Variants in KIN observed in about 807,000 individuals in gnomAD.
KIN encodes Kin17 DNA and RNA binding protein, also known as DNA/RNA-binding protein KIN17.
Under a neutral mutation model 63.0 loss-of-function variants are expected in KIN, and 47 were observed. The ratio of observed to expected loss-of-function variants is 0.75; its 90% confidence interval spans 0.59 to 0.95. KIN has a LOEUF of 0.95. KIN is among the 40% of genes least tolerant of loss of function. The pLI is 0.00. For synonymous variants in KIN, 160 were observed against 157.7 expected (o/e 1.01, Z -0.11); for missense variants, 408 against 460.9 (o/e 0.89, Z 1.05).
rs1835266041 is a variant in KIN, at chr10:7,752,934, A to G, written c.*3146T>C. ...AGGGATTTGGGGGGAGACAGGGAACAGACAGAACACAGGAAACTTCTAGGG... is the reference window on the plus strand; with the variant it reads ...AGGGATTTGGGGGGAGACAGGGAACGGACAGAACACAGGAAACTTCTAGGG... On this transcript the variant is annotated 3_prime_UTR_variant, in exon 13 of 13. Transcript: ENST00000379562. 6.6e-6 allele frequency: 1 copy of G among 152,258 alleles called. No homozygotes were observed. The highest frequency in any genetic ancestry group is 1.5e-5 in the Non-Finnish European group (1 of 68,056). 9.4% of individuals were successfully genotyped at this position (152,258 alleles called of 1,614,324 possible). A position where few individuals can be genotyped will look rare whatever the true frequency, so the allele number is the denominator to read the frequency against.
rs776053152 is a variant in KIN, at chr10:7,780,108, A to G, written c.324T>C (p.Asn108=). Residue 108 remains asparagine (N), a synonymous_variant, in exon 4 of 13, where the codon AAT becomes AAC. Transcript: ENST00000379562. ...YISHREHIHM[N]ATQWETLTDF... ...CAGTCAGAGTTTCCCACTGAGTGGC[A>G]TTCATGTGGATGTGCTCTCGGTGGC... 13 of 1,613,414 alleles carry G rather than the reference A, an allele frequency of 8.1e-6. No homozygotes were observed. Among genetic ancestry groups the G allele is most frequent in the Non-Finnish European group, 1.0e-5 (12 of 1,179,618 alleles).
chr10:7,769,230 C>G lies in KIN; in HGVS notation c.784G>C (p.Asp262His), dbSNP rs753132094. Reference sequence around the variant, plus strand: ...ATAAACTGTACCTCCATGATTTCATCCAGTGCAGATTTCTTTTTCTTCTTT... The same window carrying G: ...ATAAACTGTACCTCCATGATTTCATGCAGTGCAGATTTCTTTTTCTTCTTT... ...KEKKKKKSAL[D>H]EIMEIEEEKK... Residue 262 changes from aspartate (D) to histidine (H), a missense_variant, in exon 8 of 13, where the codon GAT (aspartate) becomes CAT (histidine). This residue lies in a region of KIN where 298 missense variants were observed against 296.0 expected (regional missense o/e 1.01). Coordinates refer to ENST00000379562, the MANE Select transcript of KIN (RefSeq NM_012311.4). 2 of 1,611,960 alleles carry G rather than the reference C, an allele frequency of 1.2e-6. No individual in the cohort carries two copies. The highest frequency in any genetic ancestry group is 2.2e-5 in the South Asian group (2 of 90,770).
Position 7,752,737 on chromosome 10 carries a change from TGC to T in KIN, c.*3341_*3342del, listed in dbSNP as rs1835262117. On this transcript the variant is annotated 3_prime_UTR_variant, in exon 13 of 13. Transcript: ENST00000379562. ...TAGAATATGCAGTGCTAAAATGAAG[TGC>T]GCTATCGAGCCACAAAAACCTAACC... 1 of 152,282 alleles carries T rather than the reference TGC, an allele frequency of 6.6e-6. No individual in the cohort carries two copies. Among genetic ancestry groups the T allele is most frequent in the East Asian group, 1.9e-4 (1 of 5,186 alleles). The allele number at this position is 152,282 out of a possible 1,614,324, so 9.4% of individuals were successfully genotyped here. A position where few individuals can be genotyped will look rare whatever the true frequency, so the allele number is the denominator to read the frequency against.
chr10:7,763,814 AT>A (rs750212077), intron 9 of KIN, 23 bp from the exon 10 acceptor site: 7 of 1,131,068 alleles, frequency 6.2e-6, no homozygotes, highest in African/African-American at 3.1e-5. Flanking sequence ...AACAAAAAAA[AT>A]GAAAGGAAAG....
intron 11 of KIN, chr10:7,761,391 C>G (rs894522761): frequency 1.3e-5 from 2 of 152,158 alleles, no homozygotes; most frequent in African/African-American, 2.4e-5. Context: ...GGTAAACAAC[C>G]TGGTCAAAGT....
At chr10:7,781,414 T>C (rs919518220) in intron 2 of KIN, among the ~76,000 whole-genome samples, 3 of 152,240 alleles carry the variant, frequency 2.0e-5, no homozygotes, top group Middle Eastern at 3.4e-3. Flanking sequence ...CCGAATGTCA[T>C]GCGAAAGAGG....
intron 5 of KIN, among the ~76,000 whole-genome samples, chr10:7,777,053 C>CAAAAAAA (rs60757813): frequency 3.1e-4 from 25 of 80,706 alleles, no homozygotes; most frequent in East Asian, 5.7e-4. Context: ...GACAGTCTCT[C>CAAAAAAA]AAAAAAAAAA....
chr10:7,787,928 C>G lies in KIN; in HGVS notation c.6G>C (p.Gly2=). Residue 2 remains glycine (G), a synonymous_variant, in exon 1 of 13, where the codon GGG becomes GGC. Transcript: ENST00000379562. ...CCTTGGGAGTAAGAAAATCCGACTT[C>G]CCCATGGCGACCACGGCAGCGATCA... M[G]KSDFLTPKAI... 6.2e-7 allele frequency: 1 copy of G among 1,610,394 alleles called. No individual in the cohort carries two copies. Among genetic ancestry groups the G allele is most frequent in the Non-Finnish European group, 8.5e-7 (1 of 1,176,570 alleles).
chr10:7,754,324 G>T lies in KIN; in HGVS notation c.*1756C>A. 3.3e-6 allele frequency: 1 copy of T among 298,826 alleles called. No homozygotes were observed. The highest frequency in any genetic ancestry group is 6.7e-6 in the Non-Finnish European group (1 of 149,284). 18.5% of individuals were successfully genotyped at this position (298,826 alleles called of 1,614,324 possible). On this transcript the variant is annotated 3_prime_UTR_variant, in exon 13 of 13. Transcript: ENST00000379562. The stretch of plus-strand genomic sequence containing the variant: ...CACTCCAGGCTGGATGACAGAGCAA[G>T]ACCCTATCTCAAAAAACAGAACAAA...
Position 7,753,347 on chromosome 10 carries a change from C to A in KIN, c.*2733G>T, listed in dbSNP as rs1158934348. ...AACATTTTTTCTCTGAAGAAAACCA[C>A]CAAGTTGATTCCAAACGTACATACT... On this transcript the variant is annotated 3_prime_UTR_variant, in exon 13 of 13. Coordinates refer to ENST00000379562, the MANE Select transcript of KIN (RefSeq NM_012311.4). 6.6e-6 allele frequency: 1 copy of A among 152,162 alleles called. No homozygotes were observed. 9.4% of individuals were successfully genotyped at this position (152,162 alleles called of 1,614,324 possible). A position where few individuals can be genotyped will look rare whatever the true frequency, so the allele number is the denominator to read the frequency against.
At chr10:7,787,702 G>T in intron 1 of KIN, 118 bp downstream of exon 1, 1 of 766,656 alleles carries the variant, frequency 1.3e-6, no homozygotes, top group South Asian at 1.4e-5. Context: ...GACCTCAGAA[G>T]CCTCACGACC....
At chr10:7,780,777 A>T (rs532703998) in intron 2 of KIN, among the ~76,000 whole-genome samples, 58 of 152,360 alleles carry the variant, frequency 3.8e-4, no homozygotes, top group African/African-American at 1.3e-3. Context: ...AAAACTGATC[A>T]AGGAAAGAAC....
At chr10:7,782,619 G>C (rs1027103800) in intron 2 of KIN, among the ~76,000 whole-genome samples, 2 of 151,958 alleles carry the variant, frequency 1.3e-5, no homozygotes. Context: ...CGCTGGTCTT[G>C]AACTCCTGAC....
Position 7,759,984 on chromosome 10 carries a change from CT to C in KIN, c.1024del (p.Arg342GlufsTer3). 2 of 1,453,236 alleles carry C rather than the reference CT, an allele frequency of 1.4e-6. No homozygotes were observed. The highest frequency in any genetic ancestry group is 1.9e-6 in the Non-Finnish European group (2 of 1,071,690). 90.0% of individuals were successfully genotyped at this position (1,453,236 alleles called of 1,614,324 possible). A position where few individuals can be genotyped will look rare whatever the true frequency, so the allele number is the denominator to read the frequency against. ...LETVIPAPGKRILVLNGGYRG... is the reference protein window; with the variant it reads ...LETVIPAPGKXILVLNGGYRG... ...GTAGCCTCCATTTAAAACTAGAATTCTTTTTCCTATGATGGAAAAGAATATA... is the reference window on the plus strand; with the variant it reads ...GTAGCCTCCATTTAAAACTAGAATTCTTTTCCTATGATGGAAAAGAATATA... On this transcript the variant is annotated frameshift_variant, in exon 12 of 13. Coordinates refer to ENST00000379562, the MANE Select transcript of KIN (RefSeq NM_012311.4). LOFTEE classifies it high-confidence loss of function.
At chr10:7,784,420 C>T (rs1457511759) in intron 1 of KIN, among the ~76,000 whole-genome samples, 1 of 152,066 alleles carries the variant, frequency 6.6e-6, no homozygotes, top group African/African-American at 2.4e-5. Flanking sequence ...TCCATCTCCA[C>T]AAGATATTTT....
intron 2 of KIN, among the ~76,000 whole-genome samples, chr10:7,782,311 T>C (rs1336836117): frequency 1.3e-5 from 2 of 152,054 alleles, no homozygotes; most frequent in Non-Finnish European, 2.9e-5. Flanking sequence ...GGCACTCTTC[T>C]AAGCACTCAT....
rs556529137 is a variant in KIN, at chr10:7,783,399, CAA to C, written c.115-226_115-225del. On this transcript the variant is annotated intron_variant, in intron 1 of 12. Transcript: ENST00000379562. The stretch of plus-strand genomic sequence containing the variant: ...ATAATCCTTGAGATCAAAGAGACAG[CAA>C]AAGAGTGTTGTAGAAAACAGACATT... Among the ~76,000 whole-genome samples, 422 of 152,220 alleles carry C rather than the reference CAA, an allele frequency of 2.8e-3. 1 individual carries two copies. The highest frequency in any genetic ancestry group is 4.8e-3 in the Non-Finnish European group (326 of 68,006).
intron 2 of KIN, 121 bp from the exon 3 acceptor site, chr10:7,780,428 C>T: frequency 1.3e-6 from 1 of 752,872 alleles, no homozygotes; most frequent in Non-Finnish European, 2.1e-6. Flanking sequence ...GAGTCTCGTT[C>T]TCGTCACCCA....
chr10:7,763,473 G>A (rs1355980403), intron 10 of KIN, among the ~76,000 whole-genome samples: 1 of 152,160 alleles, frequency 6.6e-6, no homozygotes, highest in East Asian at 1.9e-4. Context: ...GTTTTGAAGA[G>A]GTGCTGATGG....
Sources: allele counts gnomAD v4.1 joint callset (sites outside exome capture counted in the v4.1 genomes callset), GRCh38; gene constraint gnomAD v4.1.1; regional missense constraint gnomAD v4.1.1; transcripts MANE v1.5; gene names NCBI Gene and HGNC (gene_info 2026-07-23, HGNC 2026-07-21).